PPP1R7: variants seen among roughly 807,000 people sequenced by gnomAD.
PPP1R7 encodes the protein protein phosphatase 1 regulatory subunit 22.
A neutral mutation model predicts 45.2 loss-of-function variants in PPP1R7; 18 were observed. The observed-to-expected ratio is 0.40, with a 90% confidence interval of 0.28 to 0.59. PPP1R7 has a LOEUF of 0.59. Among genes scored for constraint, PPP1R7 ranks in the 20% least tolerant of loss-of-function variants. PPP1R7 has a pLI of 0.46. For missense variants in PPP1R7, 314 were observed against 455.8 expected (o/e 0.69, Z 2.83); for synonymous variants, 181 against 183.4 (o/e 0.99, Z 0.11).
chr2:241,167,593 G>C (rs2067741542), intron 8 of PPP1R7, among the ~76,000 whole-genome samples: 1 of 152,188 alleles, frequency 6.6e-6, no homozygotes, highest in Non-Finnish European at 1.5e-5. Context: ...TCACCACCAA[G>C]CATCCACCGG....
chr2:241,167,389 T>C (rs911413519), intron 8 of PPP1R7, among the ~76,000 whole-genome samples: 5 of 152,228 alleles, frequency 3.3e-5, no homozygotes, highest in Non-Finnish European at 5.9e-5. Flanking sequence ...TGCATTGAAA[T>C]TAAAAGTTTA....
At position 241,183,590 on chromosome 2, in the gene PPP1R7, G is replaced by A. The variant is rs2068046781; in HGVS notation, c.*767G>A. ...TGAACTCTTGGCCACTGGTATAGTG[G>A]CCTCCTGTTCTCACCCCATTGTTAT... On this transcript the variant is annotated 3_prime_UTR_variant, in exon 10 of 10. Coordinates refer to ENST00000234038, the MANE Select transcript of PPP1R7 (RefSeq NM_002712.3). The A allele has an allele frequency of 8.0e-6, 3 of 373,036 alleles. 1 individual carries two copies. The highest frequency in any genetic ancestry group is 6.1e-5 in the South Asian group (3 of 49,328). The allele number at this position is 373,036 out of a possible 1,614,324, so 23.1% of individuals were successfully genotyped here.
intron 1 of PPP1R7, chr2:241,151,681 C>T: frequency 2.4e-6 from 1 of 408,702 alleles, no homozygotes; most frequent in Non-Finnish European, 5.1e-6. Context: ...CCCTCTTCAG[C>T]TGTTTCCATG....
chr2:241,158,578 G>C (rs751287378), intron 4 of PPP1R7, 29 bp downstream of exon 4: 9 of 1,588,248 alleles, frequency 5.7e-6, no homozygotes, highest in Admixed American at 3.3e-5. Flanking sequence ...AGGGGACTAT[G>C]ACGCTCACCC....
At chr2:241,158,835 G>A (rs984823597) in intron 4 of PPP1R7, 17 of 470,784 alleles carry the variant, frequency 3.6e-5, no homozygotes, top group Non-Finnish European at 6.2e-5. Flanking sequence ...TTAGGCACTC[G>A]CTGACTTTTA....
intron 9 of PPP1R7, among the ~76,000 whole-genome samples, chr2:241,177,357 C>T (rs1269325627): frequency 6.6e-6 from 1 of 151,672 alleles, no homozygotes; most frequent in Non-Finnish European, 1.5e-5. Context: ...GCAGAGGTTG[C>T]AGTGAGCCAA....
chr2:241,175,249 A>G (rs1242419409), intron 9 of PPP1R7, among the ~76,000 whole-genome samples: 1 of 152,192 alleles, frequency 6.6e-6, no homozygotes, highest in African/African-American at 2.4e-5. Context: ...GCACATTCGT[A>G]ATGGTGCACA....
In PPP1R7 at chr2:241,183,391, A is replaced by C; in HGVS notation, c.*568A>C. On this transcript the variant is annotated 3_prime_UTR_variant, in exon 10 of 10. Coordinates refer to ENST00000234038, the MANE Select transcript of PPP1R7 (RefSeq NM_002712.3). ...TTGTGTTCCTTAGAGCTCTCCTTCA[A>C]AGAGCGCCGGGCAGGGCTGACTGTT... 1 of 471,174 alleles carries C rather than the reference A, an allele frequency of 2.1e-6. No homozygotes were observed. The highest frequency in any genetic ancestry group is 4.4e-6 in the Non-Finnish European group (1 of 227,050). The allele number at this position is 471,174 out of a possible 1,614,324, so 29.2% of individuals were successfully genotyped here.
rs559764864 is a variant in PPP1R7 at position 241,169,675 on chromosome 2, C to T, written c.820-106C>T. ...CCTTACCCTGTGAGGGCAGAGAGGG[C>T]AGTGCACCTGCAGCCCTAAGGTCAG... On this transcript the variant is annotated intron_variant, in intron 8 of 9. Coordinates refer to ENST00000234038, the MANE Select transcript of PPP1R7 (RefSeq NM_002712.3). The T allele has an allele frequency of 3.3e-5, 29 of 878,908 alleles. 1 individual carries two copies. Among genetic ancestry groups the T allele is most frequent in the Middle Eastern group, 2.2e-4 (1 of 4,524 alleles). The allele number at this position is 878,908 out of a possible 1,614,324, so 54.4% of individuals were successfully genotyped here. A position where few individuals can be genotyped will look rare whatever the true frequency, so the allele number is the denominator to read the frequency against.
intron 9 of PPP1R7, among the ~76,000 whole-genome samples, chr2:241,182,428 C>T (rs2068020815): frequency 6.6e-6 from 1 of 152,158 alleles, no homozygotes; most frequent in East Asian, 1.9e-4. Flanking sequence ...TAGTGACTGG[C>T]CCAGGGTTGG....
Position 241,160,390 on chromosome 2 carries a change from C to T in PPP1R7, c.493C>T (p.Arg165Ter). 6.2e-7 allele frequency: 1 copy of T among 1,612,608 alleles called. No individual in the cohort carries two copies. The highest frequency in any genetic ancestry group is 8.5e-7 in the Non-Finnish European group (1 of 1,179,518). The change falls in exon 6 of 10, where the codon CGA becomes TGA. Residue 165 changes from arginine to a stop codon, truncating the protein, a stop_gained. Coordinates refer to ENST00000234038, the MANE Select transcript of PPP1R7 (RefSeq NM_002712.3). LOFTEE classifies it high-confidence loss of function. ...RNIEGVDKLT[R>*]LKKLFLVNNK... Reference sequence around the variant, plus strand: ...CATCGAAGGGGTTGACAAGTTGACACGACTGAAAAAACTCTTCTTGGTCAA... The same window carrying T: ...CATCGAAGGGGTTGACAAGTTGACATGACTGAAAAAACTCTTCTTGGTCAA...
chr2:241,181,767 C>T (rs1228611050), intron 9 of PPP1R7, among the ~76,000 whole-genome samples: 2 of 152,196 alleles, frequency 1.3e-5, no homozygotes, highest in Non-Finnish European at 2.9e-5. Context: ...TGCCTGTGCC[C>T]ATTGTAGGTT....
In PPP1R7 at chr2:241,182,697, A is replaced by T. The variant is rs766627673; in HGVS notation, c.957A>T (p.Gly319=). The T allele has an allele frequency of 6.2e-7, 1 of 1,614,178 alleles. No individual in the cohort carries two copies. Among genetic ancestry groups the T allele is most frequent in the Non-Finnish European group, 8.5e-7 (1 of 1,180,040 alleles). The change falls in exon 10 of 10, where the codon GGA becomes GGT. Residue 319 remains glycine, a synonymous_variant. Coordinates refer to ENST00000234038, the MANE Select transcript of PPP1R7 (RefSeq NM_002712.3). ...ESWSDLDELK[G]ARSLETVYLE... Reference sequence around the variant, plus strand: ...GGAGCGACCTCGACGAGCTGAAGGGAGCCAGGAGCCTGGAGACAGTGTACC... The same window carrying T: ...GGAGCGACCTCGACGAGCTGAAGGGTGCCAGGAGCCTGGAGACAGTGTACC...
Position 241,182,545 on chromosome 2 carries a change from CCATCTT to C in PPP1R7, c.907-100_907-95del, listed in dbSNP as rs1208500613. On this transcript the variant is annotated intron_variant, in intron 9 of 9. Coordinates refer to ENST00000234038, the MANE Select transcript of PPP1R7 (RefSeq NM_002712.3). The stretch of plus-strand genomic sequence containing the variant: ...GCCAGGGAAGACCCACACCTGCTCG[CCATCTT>C]CTGAGTGGGAAGGAGGAGGGTGGCT... 12 of 1,447,460 alleles carry C rather than the reference CCATCTT, an allele frequency of 8.3e-6. No individual in the cohort carries two copies. In the African/African-American group the frequency reaches 1.7e-4, roughly 20 times the overall value. The allele number at this position is 1,447,460 out of a possible 1,614,324, so 89.7% of individuals were successfully genotyped here. A position where few individuals can be genotyped will look rare whatever the true frequency, so the allele number is the denominator to read the frequency against.
At chr2:241,159,694 CTT>C (rs938544801) in intron 5 of PPP1R7, among the ~76,000 whole-genome samples, 1 of 151,906 alleles carries the variant, frequency 6.6e-6, no homozygotes, top group Non-Finnish European at 1.5e-5. Flanking sequence ...TTTGAATACT[CTT>C]TTTTTTAATT....
chr2:241,157,981 G>A (rs900786114), intron 3 of PPP1R7, 119 bp downstream of exon 3: 1 of 981,548 alleles, frequency 1.0e-6, no homozygotes, highest in Non-Finnish European at 1.6e-6. Flanking sequence ...CCTTGGTTGA[G>A]TCAGAGTCCC....
At chr2:241,149,591 G>A, upstream of PPP1R7, 1 of 1,483,438 alleles carries the variant, frequency 6.7e-7, no homozygotes, top group East Asian at 2.5e-5. Flanking sequence ...CCGCGCTAAG[G>A]GTTGCTAGGG....
At position 241,182,979 on chromosome 2, in the gene PPP1R7, C is replaced by A; in HGVS notation, c.*156C>A. The A allele has an allele frequency of 1.4e-6, 1 of 735,750 alleles. No individual in the cohort carries two copies. Among genetic ancestry groups the A allele is most frequent in the Non-Finnish European group, 2.2e-6 (1 of 460,770 alleles). 45.6% of individuals were successfully genotyped at this position (735,750 alleles called of 1,614,324 possible). On this transcript the variant is annotated 3_prime_UTR_variant, in exon 10 of 10. Coordinates refer to ENST00000234038, the MANE Select transcript of PPP1R7 (RefSeq NM_002712.3). ...ACGATAGCTGGCGCGCGCGACGTCA[C>A]ACACCATTTTCAGATGCCGTTGCAA...
intron 9 of PPP1R7, among the ~76,000 whole-genome samples, chr2:241,173,877 T>TA (rs2067861512): frequency 6.6e-6 from 1 of 152,136 alleles, no homozygotes. Flanking sequence ...TTATTTCAGA[T>TA]ACTGTATTTT....
Sources: allele counts gnomAD v4.1 joint callset (sites outside exome capture counted in the v4.1 genomes callset), GRCh38; gene constraint gnomAD v4.1.1; transcripts MANE v1.5; gene names NCBI Gene and HGNC (gene_info 2026-07-23, HGNC 2026-07-21).